PPFIA2: variants seen among roughly 807,000 people sequenced by gnomAD.
PPFIA2 encodes the protein PPFI scaffold protein A2.
A neutral mutation model predicts 175.5 loss-of-function variants in PPFIA2; 46 were observed. The observed-to-expected ratio is 0.26, with a 90% CI of 0.21 to 0.34. The LOEUF (loss-of-function observed/expected upper bound fraction) is 0.34. PPFIA2 is among the 10% of genes least tolerant of loss of function. The pLI, the probability that PPFIA2 is intolerant of heterozygous loss-of-function variation, is 1.00. For synonymous variants in PPFIA2, 568 were observed against 511.4 expected, an observed-to-expected ratio of 1.11 and a Z score of -1.49; for missense variants, 1,179 against 1,506.1, an observed-to-expected ratio of 0.78 and a Z score of 3.60.
At chr12:81,666,963 T>G (rs1372997803) in intron 4 of PPFIA2, among the ~76,000 whole-genome samples, 1 of 152,114 alleles carries the variant, frequency 6.6e-6, no homozygotes, top group Non-Finnish European at 1.5e-5. Context: ...AAATATGGTT[T>G]GCACACAATA....
At chr12:81,294,144 G>A (rs2045814283) in intron 24 of PPFIA2, among the ~76,000 whole-genome samples, 1 of 152,062 alleles carries the variant, frequency 6.6e-6, no homozygotes, top group South Asian at 2.1e-4. Context: ...CTCCAAAAGG[G>A]AAGAGGTTGG....
chr12:81,598,113 T>C lies in PPFIA2; in HGVS notation c.303+78678A>G, dbSNP rs541019478. The stretch of plus-strand genomic sequence containing the variant: ...CTTAGCGTACAGATAAATCCGTGCA[T>C]GCATTGAGGGAGACTAGAGGGTAAA... On this transcript the variant is annotated intron_variant, in intron 4 of 32. Transcript: ENST00000549396. 1.3e-5 allele frequency: 20 copies of C among 1,527,830 alleles called. No individual in the cohort carries two copies. In the East Asian group the frequency reaches 4.4e-4, roughly 34 times the overall value. The allele number at this position is 1,527,830 out of a possible 1,614,324, so 94.6% of individuals were successfully genotyped here. A position where few individuals can be genotyped will look rare whatever the true frequency, so the allele number is the denominator to read the frequency against.
At chr12:81,675,455 G>A (rs571017545) in intron 4 of PPFIA2, 1 of 151,940 alleles carries the variant, frequency 6.6e-6, no homozygotes, top group Non-Finnish European at 1.5e-5. Context: ...ATTTTAACAT[G>A]TAAATAATGG....
chr12:81,642,106 T>G (rs1595902073), intron 4 of PPFIA2, among the ~76,000 whole-genome samples: 1 of 152,264 alleles, frequency 6.6e-6, no homozygotes, highest in Admixed American at 6.5e-5. Flanking sequence ...TATGTAGATA[T>G]ATACATGTAT....
At chr12:81,642,820 G>A (rs535530960) in intron 4 of PPFIA2, among the ~76,000 whole-genome samples, 1 of 59,094 alleles carries the variant, frequency 1.7e-5, no homozygotes, top group Non-Finnish European at 3.2e-5. Flanking sequence ...TTACATACAT[G>A]TATATGTATG....
intron 9 of PPFIA2, among the ~76,000 whole-genome samples, chr12:81,381,941 G>A (rs1175407490): frequency 2.9e-4 from 44 of 151,996 alleles, no homozygotes; most frequent in Admixed American, 2.6e-3. Context: ...CAATAGCTGC[G>A]CAGGTTCTCT....
intron 4 of PPFIA2, among the ~76,000 whole-genome samples, chr12:81,540,456 T>C (rs978125877): frequency 6.6e-6 from 1 of 151,984 alleles, no homozygotes; most frequent in African/African-American, 2.4e-5. Context: ...CTTGGTCTCT[T>C]ATATGGGAAA....
At chr12:81,267,406 C>A (rs539759285) in intron 29 of PPFIA2, among the ~76,000 whole-genome samples, 2 of 152,262 alleles carry the variant, frequency 1.3e-5, no homozygotes, top group African/African-American at 4.8e-5. Flanking sequence ...CAATGATTAT[C>A]ATTTGAGGAA....
intron 4 of PPFIA2, among the ~76,000 whole-genome samples, chr12:81,493,785 T>TAGAC (rs1443948248): frequency 6.6e-5 from 9 of 136,878 alleles, no homozygotes; most frequent in African/African-American, 2.3e-4. Context: ...TATATATATA[T>TAGAC]ATACACATTG....
intron 5 of PPFIA2, among the ~76,000 whole-genome samples, chr12:81,450,455 C>T (rs1002492212): frequency 1.3e-5 from 2 of 152,122 alleles, no homozygotes; most frequent in African/African-American, 2.4e-5. Context: ...AGTGTCTGTT[C>T]GTATCCTTCG....
intron 13 of PPFIA2, among the ~76,000 whole-genome samples, chr12:81,367,812 A>T (rs1227004641): frequency 2.6e-5 from 4 of 151,654 alleles, no homozygotes; most frequent in Non-Finnish European, 4.4e-5. Context: ...TACAAAACAC[A>T]CAAGTACTAT....
chr12:81,443,591 C>G (rs2145174210), intron 6 of PPFIA2, among the ~76,000 whole-genome samples: 1 of 152,200 alleles, frequency 6.6e-6, no homozygotes, highest in South Asian at 2.1e-4. Context: ...TTTATTACCT[C>G]TATTCTGATA....
chr12:81,427,302 A>G (rs2047308821), intron 7 of PPFIA2, among the ~76,000 whole-genome samples: 1 of 152,144 alleles, frequency 6.6e-6, no homozygotes, highest in East Asian at 1.9e-4. Flanking sequence ...GATAACACTC[A>G]GAACAATTCA....
At chr12:81,642,654 GTATC>G (rs1377913428) in intron 4 of PPFIA2, among the ~76,000 whole-genome samples, 1 of 113,612 alleles carries the variant, frequency 8.8e-6, no homozygotes, top group African/African-American at 3.1e-5. Context: ...ATACATGTAT[GTATC>G]TATTATATAC....
intron 7 of PPFIA2, among the ~76,000 whole-genome samples, chr12:81,418,572 T>C (rs2045721601): frequency 6.6e-6 from 1 of 152,008 alleles, no homozygotes; most frequent in African/African-American, 2.4e-5. Flanking sequence ...TTGTCTATGA[T>C]TGTTTTCACT....
intron 4 of PPFIA2, among the ~76,000 whole-genome samples, chr12:81,567,646 A>C (rs775917555): frequency 6.6e-6 from 1 of 152,176 alleles, no homozygotes; most frequent in Non-Finnish European, 1.5e-5. Context: ...GGACACCTGA[A>C]GTGAACTTCC....
intron 4 of PPFIA2, among the ~76,000 whole-genome samples, chr12:81,506,945 T>C (rs1252597278): frequency 6.6e-6 from 1 of 152,214 alleles, no homozygotes; most frequent in Non-Finnish European, 1.5e-5. Context: ...TTCTTAAACA[T>C]GGTTACACAA....
At chr12:81,628,561 C>CA (rs1400299080) in intron 4 of PPFIA2, among the ~76,000 whole-genome samples, 4 of 151,562 alleles carry the variant, frequency 2.6e-5, no homozygotes, top group Non-Finnish European at 4.4e-5. Context: ...GTATTTTTAA[C>CA]GGAGACGGGG....
intron 28 of PPFIA2, among the ~76,000 whole-genome samples, chr12:81,273,886 C>A (rs964226583): frequency 1.3e-5 from 2 of 151,094 alleles, no homozygotes; most frequent in East Asian, 1.9e-4. Flanking sequence ...TCTCCCCGCC[C>A]CCCCCCAAAC....
Sources: gnomAD v4.1 joint callset for allele counts (sites outside exome capture counted in the v4.1 genomes callset) on GRCh38, gnomAD v4.1.1 for gene constraint, MANE v1.5 for transcripts, NCBI Gene and HGNC (gene_info 2026-07-23, HGNC 2026-07-21) for gene names.